Variants in LRRC28 observed in about 807,000 individuals in gnomAD.
LRRC28 encodes leucine rich repeat containing 28, also known as leucine-rich repeat-containing protein 28.
LRRC28 carries 39 observed loss-of-function variants against 45.7 expected under a neutral mutation model. The observed-to-expected ratio is 0.85, with a 90% CI of 0.66 to 1.12. The LOEUF is 1.12. Ranked by LOEUF, LRRC28 falls within the 50% of genes most tolerant of loss-of-function variation. LRRC28 has a pLI of 0.00. For missense variants in LRRC28, 435 were observed against 438.5 expected (o/e 0.99, Z 0.07); for synonymous variants, 206 against 178.8 (o/e 1.15, Z -1.22).
intron 3 of LRRC28, 89 bp downstream of exon 3, chr15:99,276,705 T>A: frequency 5.6e-6 from 6 of 1,079,272 alleles, no homozygotes; most frequent in Non-Finnish European, 7.6e-6. Flanking sequence ...CTTAATGTAT[T>A]AATTTGTTAT....
chr15:99,337,334 C>G (rs780472742), intron 6 of LRRC28, among the ~76,000 whole-genome samples: 2 of 152,230 alleles, frequency 1.3e-5, no homozygotes, highest in Non-Finnish European at 2.9e-5. Flanking sequence ...ATGCTTGCAG[C>G]AACAGAGGAC....
intron 9 of LRRC28, among the ~76,000 whole-genome samples, chr15:99,380,046 A>G (rs1957770163): frequency 6.6e-6 from 1 of 152,230 alleles, no homozygotes. Flanking sequence ...GTAGATGTCT[A>G]TTAGATCCAC....
chr15:99,267,162 C>A (rs1433062825), intron 2 of LRRC28, among the ~76,000 whole-genome samples: 1 of 152,088 alleles, frequency 6.6e-6, no homozygotes, highest in African/African-American at 2.4e-5. Context: ...TGATTTACAG[C>A]GATGCATATG....
chr15:99,259,116 C>A, intron 2 of LRRC28: 2 of 1,324,236 alleles, frequency 1.5e-6, no homozygotes, highest in Non-Finnish European at 2.2e-6. Context: ...GAAGACCACT[C>A]GAATCGAACA....
rs146922563 is a variant in LRRC28 at position 99,276,121 on chromosome 15, C to T, written c.169-455C>T. On this transcript the variant is annotated intron_variant, in intron 2 of 9. Transcript: ENST00000301981. ...TGCCTGACGATCTGTCACAGTCTCC[C>T]GTCACCCCCAGATGGGACCATCTAG... 9.2e-4 allele frequency among the ~76,000 whole-genome samples: 140 copies of T among 151,924 alleles called. 1 individual carries two copies. In the East Asian group the frequency reaches 0.025, roughly 27 times the overall value.
chr15:99,256,306 C>T (rs1156561432), intron 2 of LRRC28, 181 bp downstream of exon 2: 2 of 478,818 alleles, frequency 4.2e-6, no homozygotes, highest in Admixed American at 8.1e-5. Context: ...CAAGTTCGTG[C>T]AGTTATGAGG....
intron 5 of LRRC28, among the ~76,000 whole-genome samples, chr15:99,316,962 A>G (rs1474379859): frequency 4.6e-5 from 7 of 151,672 alleles, no homozygotes; most frequent in East Asian, 3.9e-4. Flanking sequence ...TTGGCCTCCA[A>G]AAGTGCTGGG....
chr15:99,296,185 G>GTAGT (rs2082257345), intron 5 of LRRC28, among the ~76,000 whole-genome samples: 2 of 152,192 alleles, frequency 1.3e-5, no homozygotes, highest in Admixed American at 6.5e-5. Context: ...ATCCCACCTT[G>GTAGT]TAGTTACAAG....
intron 2 of LRRC28, among the ~76,000 whole-genome samples, chr15:99,269,392 T>G (rs112337439): frequency 2.6e-5 from 4 of 152,198 alleles, no homozygotes; most frequent in African/African-American, 9.6e-5. Flanking sequence ...CTGCACACTT[T>G]ACCAGCCACA....
chr15:99,359,998 T>C (rs1347641356), intron 7 of LRRC28, among the ~76,000 whole-genome samples: 3 of 152,178 alleles, frequency 2.0e-5, no homozygotes, highest in African/African-American at 7.2e-5. Context: ...TTTACCTCTT[T>C]GCCACTTATC....
intron 5 of LRRC28, 132 bp from the exon 6 acceptor site, chr15:99,333,791 C>A: frequency 1.1e-6 from 1 of 935,700 alleles, no homozygotes; most frequent in Non-Finnish European, 1.6e-6. Context: ...AAATCCTGCA[C>A]TTCAGCATTC....
chr15:99,385,295 A>G (rs1957949132), intron 9 of LRRC28, among the ~76,000 whole-genome samples: 1 of 152,310 alleles, frequency 6.6e-6, no homozygotes, highest in South Asian at 2.1e-4. Flanking sequence ...GGCCACAGGG[A>G]AAGGCGGACT....
At chr15:99,254,344 C>T (rs1313725345) in intron 1 of LRRC28, among the ~76,000 whole-genome samples, 1 of 151,894 alleles carries the variant, frequency 6.6e-6, no homozygotes, top group Non-Finnish European at 1.5e-5. Context: ...AGCTCATTAG[C>T]CAGGAATTAG....
intron 3 of LRRC28, among the ~76,000 whole-genome samples, chr15:99,277,117 T>C (rs2081638577): frequency 6.6e-6 from 1 of 152,166 alleles, no homozygotes; most frequent in African/African-American, 2.4e-5. Flanking sequence ...TAATTATCTG[T>C]TAACTTACCA....
Position 99,388,196 on chromosome 15 carries a change from G to C in LRRC28, c.*2094G>C, listed in dbSNP as rs925458651. ...ATGAAACTTCACAATTGTGCTTCAG[G>C]CCTAAGTGACTGCTACCTATGATTT... On this transcript the variant is annotated 3_prime_UTR_variant, in exon 10 of 10. Coordinates refer to ENST00000301981, the MANE Select transcript of LRRC28 (RefSeq NM_144598.5). 1 of 152,172 alleles carries C rather than the reference G, an allele frequency of 6.6e-6. No homozygotes were observed. Among genetic ancestry groups the C allele is most frequent in the Non-Finnish European group, 1.5e-5 (1 of 68,026 alleles). The allele number at this position is 152,172 out of a possible 1,614,324, so 9.4% of individuals were successfully genotyped here.
At chr15:99,281,185 G>C (rs988356006) in intron 3 of LRRC28, among the ~76,000 whole-genome samples, 1 of 151,932 alleles carries the variant, frequency 6.6e-6, no homozygotes, top group African/African-American at 2.4e-5. Flanking sequence ...GCACCACCAT[G>C]CCCAGCTAAA....
chr15:99,349,591 C>CT (rs146471085), intron 6 of LRRC28, among the ~76,000 whole-genome samples: 1 of 152,100 alleles, frequency 6.6e-6, no homozygotes, highest in Non-Finnish European at 1.5e-5. Context: ...AATTGGAAGA[C>CT]TTTTCAGAAT....
Position 99,387,290 on chromosome 15 carries a change from G to A in LRRC28, c.*1188G>A, listed in dbSNP as rs550152777. ...TTAGCCGGGATGGTCTCGATCTCCT[G>A]ACCTCGTGATCCGCACGCCTCGGCC... On this transcript the variant is annotated 3_prime_UTR_variant, in exon 10 of 10. Transcript: ENST00000301981. The A allele has an allele frequency of 1.3e-4, 20 of 151,944 alleles. No individual in the cohort carries two copies. The highest frequency in any genetic ancestry group is 2.4e-4 in the Non-Finnish European group (16 of 67,946). 9.4% of individuals were successfully genotyped at this position (151,944 alleles called of 1,614,324 possible).
intron 5 of LRRC28, among the ~76,000 whole-genome samples, chr15:99,312,152 T>G (rs1225821964): frequency 6.6e-6 from 1 of 152,246 alleles, no homozygotes; most frequent in Non-Finnish European, 1.5e-5. Context: ...GTTAGGTGAT[T>G]TTGTTGTTGT....
Sources: gnomAD v4.1 joint callset for allele counts (sites outside exome capture counted in the v4.1 genomes callset) on GRCh38, gnomAD v4.1.1 for gene constraint, MANE v1.5 for transcripts, NCBI Gene and HGNC (gene_info 2026-07-23, HGNC 2026-07-21) for gene names.